The following SMG6 variants were observed in gnomAD, a reference collection of about 807,000 sequenced individuals.
The protein encoded by SMG6 is SMG6 nonsense mediated mRNA decay factor, also known as telomerase-binding protein EST1A.
Under a neutral mutation model 142.2 loss-of-function variants are expected in SMG6, and 66 were observed. The observed-to-expected ratio is 0.46, with a 90% CI of 0.38 to 0.57. The LOEUF is 0.57. Ranked by LOEUF, SMG6 falls within the 20% of genes least tolerant of loss-of-function variation. The probability of loss-of-function intolerance (pLI) is 0.00; values close to 1 mark genes in which losing one functional copy is unlikely to be tolerated. For missense variants in SMG6, 1,793 were observed against 1,832.0 expected, an observed-to-expected ratio of 0.98 and a Z score of 0.39; for synonymous variants, 779 against 702.4, an observed-to-expected ratio of 1.11 and a Z score of -1.72.
chr17:2,283,143 C>G (rs1228081315), intron 7 of SMG6, among the ~76,000 whole-genome samples: 1 of 152,188 alleles, frequency 6.6e-6, no homozygotes, highest in South Asian at 2.1e-4. Context: ...GCACTCCAGT[C>G]TGGGCAACAA....
intron 12 of SMG6, among the ~76,000 whole-genome samples, chr17:2,182,923 C>G (rs1011214585): frequency 3.3e-5 from 5 of 151,932 alleles, no homozygotes; most frequent in African/African-American, 1.2e-4. Flanking sequence ...AGGGGTGAAA[C>G]AGAGAAAGAC....
intron 15 of SMG6, among the ~76,000 whole-genome samples, chr17:2,074,098 A>G (rs1297350404): frequency 6.6e-6 from 1 of 152,072 alleles, no homozygotes; most frequent in East Asian, 1.9e-4. Context: ...AAAGAGAGAG[A>G]GAGAGTCTAA....
At chr17:2,231,686 G>C (rs2073499373) in intron 10 of SMG6, among the ~76,000 whole-genome samples, 2 of 151,908 alleles carry the variant, frequency 1.3e-5, no homozygotes, top group African/African-American at 2.4e-5. Context: ...GACAGAGCAA[G>C]ATTCTGTCCC....
intron 1 of SMG6, among the ~76,000 whole-genome samples, chr17:2,301,827 TACTTAC>T (rs60831333): frequency 0.013 from 2,026 of 152,184 alleles, 38 homozygotes; most frequent in African/African-American, 0.045. Flanking sequence ...AGCGGACAGA[TACTTAC>T]TTAAGTATCT....
At chr17:2,114,924 A>AATAAC in intron 13 of SMG6, among the ~76,000 whole-genome samples, 4 of 113,472 alleles carry the variant, frequency 3.5e-5, no homozygotes, top group African/African-American at 1.5e-4. Flanking sequence ...AATAAAATAA[A>AATAAC]ATAAAATAAA....
At chr17:2,208,953 G>C (rs2072768154) in intron 10 of SMG6, among the ~76,000 whole-genome samples, 2 of 152,194 alleles carry the variant, frequency 1.3e-5, no homozygotes, top group Admixed American at 1.3e-4. Context: ...GCTGAAGTGG[G>C]TGGGTTGCCT....
intron 10 of SMG6, chr17:2,216,094 A>C (rs1444295414): frequency 6.6e-6 from 1 of 152,190 alleles, no homozygotes; most frequent in Non-Finnish European, 1.5e-5. Context: ...TCTTTTAAAG[A>C]AACAGCGCAC....
chr17:2,211,687 C>T (rs975855291), intron 10 of SMG6, among the ~76,000 whole-genome samples: 22 of 139,134 alleles, frequency 1.6e-4, no homozygotes, highest in Non-Finnish European at 3.1e-4. Context: ...AAAAAAAGGG[C>T]GTTCTTTGAC....
chr17:2,188,285 A>T (rs1241441211), intron 11 of SMG6, 114 bp downstream of exon 11: 3 of 811,368 alleles, frequency 3.7e-6, no homozygotes, highest in Non-Finnish European at 4.0e-6. Flanking sequence ...TGTAGGTAAG[A>T]GGAAGAATGG....
intron 15 of SMG6, among the ~76,000 whole-genome samples, chr17:2,072,209 G>A (rs2068123233): frequency 6.6e-6 from 1 of 152,100 alleles, no homozygotes; most frequent in South Asian, 2.1e-4. Flanking sequence ...CCGGAATGCT[G>A]TGGTTCAGAC....
intron 8 of SMG6, among the ~76,000 whole-genome samples, chr17:2,257,960 G>T (rs1207169218): frequency 1.4e-5 from 2 of 138,998 alleles, no homozygotes; most frequent in Non-Finnish European, 3.0e-5. Context: ...AGTGAGCTGA[G>T]ATCATGCCAC....
intron 2 of SMG6, 59 bp downstream of exon 2, chr17:2,298,847 A>C (rs1339871600): frequency 6.7e-7 from 1 of 1,498,974 alleles, no homozygotes; most frequent in Non-Finnish European, 9.0e-7. Flanking sequence ...CAGCCATAGC[A>C]ATCTATACAC....
At chr17:2,108,968 T>C (rs1320061628) in intron 13 of SMG6, among the ~76,000 whole-genome samples, 3 of 152,130 alleles carry the variant, frequency 2.0e-5, no homozygotes, top group Non-Finnish European at 4.4e-5. Flanking sequence ...TTTATCTCAT[T>C]TAATCCTTAC....
At chr17:2,114,951 TAAA>T (rs774055003) in intron 13 of SMG6, among the ~76,000 whole-genome samples, 4 of 108,816 alleles carry the variant, frequency 3.7e-5, no homozygotes, top group African/African-American at 1.6e-4. Context: ...TAAAATAAAA[TAAA>T]AAAATGAAAT....
chr17:2,087,159 T>C, intron 13 of SMG6: 1 of 1,290,454 alleles, frequency 7.7e-7, no homozygotes, highest in Non-Finnish European at 1.0e-6. Flanking sequence ...AAAGCCTAAA[T>C]CTCATCGTTT....
chr17:2,061,606 T>C lies in SMG6; in HGVS notation c.4146A>G (p.Leu1382=), dbSNP rs965723260. The C allele has an allele frequency of 3.8e-6, 6 of 1,572,346 alleles. No homozygotes were observed. The highest frequency in any genetic ancestry group is 1.4e-5 in the African/African-American group (1 of 73,782). Residue 1382 remains leucine, a synonymous_variant, in exon 19 of 19, where the codon CTA becomes CTG. Coordinates refer to ENST00000263073, the MANE Select transcript of SMG6 (RefSeq NM_017575.5). ...CCGTCAACAGCACCACCTCCCGCAG[T>C]AGCCGGATTGGCTCCTCTGTGGGCA... ...MPASKEEPIR[L]LREVVLLTDD...
rs144147916 is a variant in SMG6, at chr17:2,265,351, A to G, written c.2661+17296T>C. Among the ~76,000 whole-genome samples the G allele has an allele frequency of 1.7e-4, 25 of 148,898 alleles. 1 individual carries two copies. Among genetic ancestry groups the G allele is most frequent in the African/African-American group, 6.1e-4 (25 of 41,264 alleles). On this transcript the variant is annotated intron_variant, in intron 8 of 18. Coordinates refer to ENST00000263073, the MANE Select transcript of SMG6 (RefSeq NM_017575.5). ...ATGGCGAAACACCATCTCTTCTAAA[A>G]ATACAAAAATTAGCAGCGGGTGGTG...
chr17:2,122,143 A>G (rs2069721487), intron 13 of SMG6, among the ~76,000 whole-genome samples: 1 of 152,140 alleles, frequency 6.6e-6, no homozygotes, highest in Non-Finnish European at 1.5e-5. Flanking sequence ...AGAAGAAAAA[A>G]TGGATGGATG....
chr17:2,284,840 A>T (rs1278169240), intron 6 of SMG6, among the ~76,000 whole-genome samples: 1 of 152,224 alleles, frequency 6.6e-6, no homozygotes, highest in East Asian at 1.9e-4. Context: ...ATAGTTTAAC[A>T]GAATATTTGG....
Sources: allele counts gnomAD v4.1 joint callset (sites outside exome capture counted in the v4.1 genomes callset), GRCh38; gene constraint gnomAD v4.1.1; transcripts MANE v1.5; gene names NCBI Gene and HGNC (gene_info 2026-07-23, HGNC 2026-07-21).